SORCS1: variants seen among roughly 807,000 people sequenced by gnomAD.
SORCS1 encodes VPS10 domain-containing receptor SorCS1.
SORCS1 carries 60 observed loss-of-function variants against 146.1 expected under a neutral mutation model. That is an observed-to-expected ratio of 0.41 (90% confidence interval 0.33 to 0.51). The LOEUF is 0.51. Ranked by LOEUF, SORCS1 falls within the 20% of genes least tolerant of loss-of-function variation. The probability of loss-of-function intolerance (pLI) is 0.21; values close to 1 mark genes in which losing one functional copy is unlikely to be tolerated. For synonymous variants in SORCS1, 637 were observed against 584.0 expected, an observed-to-expected ratio of 1.09 and a Z score of -1.31; for missense variants, 1,352 against 1,487.6, an observed-to-expected ratio of 0.91 and a Z score of 1.50.
intron 25 of SORCS1, 75 bp from the exon 26 acceptor site, chr10:106,577,630 C>A: frequency 6.3e-7 from 1 of 1,585,344 alleles, no homozygotes; most frequent in Non-Finnish European, 8.6e-7. Context: ...TTGCAATGTG[C>A]TGCGATATCT....
chr10:107,177,669 C>CT, the SORCS1 span, among the ~76,000 whole-genome samples: 2 of 152,130 alleles, frequency 1.3e-5, no homozygotes, highest in Non-Finnish European at 2.9e-5. Context: ...TACATTCTTA[C>CT]AATATGTAAT....
intron 21 of SORCS1, among the ~76,000 whole-genome samples, chr10:106,613,438 C>T (rs1371357515): frequency 1.3e-5 from 2 of 152,160 alleles, no homozygotes; most frequent in African/African-American, 2.4e-5. Context: ...GAGCCAAAGT[C>T]GCTGGCAGAG....
chr10:107,174,677 A>C, the SORCS1 span, among the ~76,000 whole-genome samples: 16 of 152,212 alleles, frequency 1.1e-4, no homozygotes, highest in African/African-American at 3.6e-4. Context: ...TAATTTTAAT[A>C]ATTTTTAGGG....
chr10:107,081,496 G>C (rs1282555523), intron 1 of SORCS1, among the ~76,000 whole-genome samples: 1 of 152,194 alleles, frequency 6.6e-6, no homozygotes, highest in Non-Finnish European at 1.5e-5. Flanking sequence ...TCTGCCTCCT[G>C]TGGGTGAGAG....
intron 1 of SORCS1, among the ~76,000 whole-genome samples, chr10:106,990,835 T>C (rs1956738156): frequency 6.6e-6 from 1 of 152,210 alleles, no homozygotes; most frequent in Non-Finnish European, 1.5e-5. Flanking sequence ...AAATAAAATC[T>C]CATTAAAAGA....
chr10:107,055,776 G>A (rs982763901), intron 1 of SORCS1, among the ~76,000 whole-genome samples: 2 of 151,992 alleles, frequency 1.3e-5, no homozygotes, highest in South Asian at 2.1e-4. Flanking sequence ...AAATAGAGAC[G>A]AGATCAGGAT....
intron 2 of SORCS1, among the ~76,000 whole-genome samples, chr10:106,864,806 C>T (rs555107997): frequency 2.0e-5 from 3 of 152,290 alleles, no homozygotes; most frequent in South Asian, 4.1e-4. Flanking sequence ...TTTGGAAAGA[C>T]CAAGGTAACC....
At chr10:106,639,070 C>T (rs1325075836) in intron 18 of SORCS1, among the ~76,000 whole-genome samples, 2 of 152,186 alleles carry the variant, frequency 1.3e-5, no homozygotes, top group Non-Finnish European at 2.9e-5. Context: ...TCAAGTGCTG[C>T]TGTCATAGGT....
intron 1 of SORCS1, among the ~76,000 whole-genome samples, chr10:107,054,848 C>A (rs1341237559): frequency 4.6e-5 from 7 of 152,166 alleles, no homozygotes. Flanking sequence ...CTGTATAATG[C>A]AATTAATAGT....
intron 1 of SORCS1, among the ~76,000 whole-genome samples, chr10:106,964,470 A>ATATTT (rs60186199): frequency 1.5e-4 from 23 of 150,088 alleles, no homozygotes; most frequent in Non-Finnish European, 2.4e-4. Context: ...TGCCTGGCTA[A>ATATTT]TATTTTATTT....
intron 3 of SORCS1, among the ~76,000 whole-genome samples, chr10:106,780,163 T>C (rs1165446017): frequency 6.6e-6 from 1 of 152,216 alleles, no homozygotes; most frequent in African/African-American, 2.4e-5. Flanking sequence ...ATAGATGATA[T>C]TGTTCATAAA....
At chr10:106,661,613 G>A (rs1850734499) in intron 17 of SORCS1, among the ~76,000 whole-genome samples, 1 of 152,190 alleles carries the variant, frequency 6.6e-6, no homozygotes, top group Non-Finnish European at 1.5e-5. Flanking sequence ...TATGTGCTAG[G>A]CATTGTGCTA....
chr10:106,613,385 C>A (rs1192703569), intron 21 of SORCS1, among the ~76,000 whole-genome samples: 1 of 152,140 alleles, frequency 6.6e-6, no homozygotes, highest in Non-Finnish European at 1.5e-5. Context: ...GGTGACTACT[C>A]TGCAGTCTGA....
intron 1 of SORCS1, among the ~76,000 whole-genome samples, chr10:107,094,546 T>C (rs1374771498): frequency 1.3e-5 from 2 of 152,234 alleles, no homozygotes; most frequent in African/African-American, 2.4e-5. Context: ...TATTCACCTA[T>C]GACTTTCAAA....
intron 3 of SORCS1, among the ~76,000 whole-genome samples, chr10:106,777,019 C>G (rs1382422217): frequency 1.3e-5 from 2 of 152,198 alleles, no homozygotes; most frequent in Non-Finnish European, 2.9e-5. Flanking sequence ...TTCTTCCCTT[C>G]TTCCTACTGT....
At chr10:107,175,318 G>T in the SORCS1 span, among the ~76,000 whole-genome samples, 1 of 152,282 alleles carries the variant, frequency 6.6e-6, no homozygotes, top group East Asian at 1.9e-4. Context: ...GGGAGTTCGT[G>T]TAAGATTAGT....
chr10:106,967,857 C>T (rs931240005), intron 1 of SORCS1, among the ~76,000 whole-genome samples: 1 of 150,914 alleles, frequency 6.6e-6, no homozygotes, highest in Non-Finnish European at 1.5e-5. Context: ...AGCTGTAAAA[C>T]AATAAGGAAA....
Position 106,959,298 on chromosome 10 carries a change from GC to G in SORCS1, c.559-2719del, listed in dbSNP as rs1166937620. On this transcript the variant is annotated intron_variant, in intron 1 of 25. Coordinates refer to ENST00000263054, the MANE Select transcript of SORCS1 (RefSeq NM_052918.5). ...CTTTATGACATTTGAAAGCATATCT[GC>G]TTGAATCAATCTATTTAATCTTTCT... Among the ~76,000 whole-genome samples the G allele has an allele frequency of 2.0e-5, 3 of 152,304 alleles. No individual in the cohort carries two copies. In the East Asian group the frequency reaches 5.8e-4, roughly 29 times the overall value.
At chr10:106,869,550 A>G (rs994018318) in intron 2 of SORCS1, among the ~76,000 whole-genome samples, 1 of 152,232 alleles carries the variant, frequency 6.6e-6, no homozygotes, top group Non-Finnish European at 1.5e-5. Flanking sequence ...AGGCAAATCA[A>G]TAAATGTGAT....
Sources: allele counts gnomAD v4.1 joint callset (sites outside exome capture counted in the v4.1 genomes callset), GRCh38; gene constraint gnomAD v4.1.1; transcripts MANE v1.5; gene names NCBI Gene and HGNC (gene_info 2026-07-23, HGNC 2026-07-21).